SCGB2A2: variants seen among roughly 807,000 people sequenced by gnomAD.
SCGB2A2 encodes the protein secretoglobin family 2A member 2, also known as mammaglobin-A.
A neutral mutation model predicts 8.8 loss-of-function variants in SCGB2A2; 11 were observed. The observed-to-expected ratio is 1.25, with a 90% CI of 0.79 to 2.07. SCGB2A2 has a LOEUF of 2.07. Among genes scored for constraint, SCGB2A2 ranks in the 30% most tolerant of loss-of-function variants. The probability of loss-of-function intolerance (pLI) is 0.00; values close to 1 mark genes in which losing one functional copy is unlikely to be tolerated. For missense variants in SCGB2A2, 113 were observed against 109.9 expected (o/e 1.03, Z -0.13); for synonymous variants, 42 against 40.9 (o/e 1.03, Z -0.10).
intron 1 of SCGB2A2, 94 bp from the exon 2 acceptor site, chr11:62,270,787 T>C: frequency 1.1e-6 from 1 of 892,144 alleles, no homozygotes; most frequent in Non-Finnish European, 1.7e-6. Context: ...GTCTATATTC[T>C]CTTGGGCTGT....
chr11:62,272,145 G>A (rs1237248146), intron 2 of SCGB2A2: 2 of 252,750 alleles, frequency 7.9e-6, no homozygotes, highest in Admixed American at 6.8e-5. Context: ...CAACATGGAT[G>A]AACCTTGAGG....
At position 62,271,727 on chromosome 11, in the gene SCGB2A2, A is replaced by G. The variant is rs895009429; in HGVS notation, c.243+659A>G. Reference sequence around the variant, plus strand: ...CTTCTCTTCTTCAAAAAAAAGTAAAAGTGTTCTTTCTTAAAAAATGCCCTA... The same window carrying G: ...CTTCTCTTCTTCAAAAAAAAGTAAAGGTGTTCTTTCTTAAAAAATGCCCTA... On this transcript the variant is annotated intron_variant, in intron 2 of 2. Transcript: ENST00000227918. 19 of 986,100 alleles carry G rather than the reference A, an allele frequency of 1.9e-5. No homozygotes were observed. In the South Asian group the frequency reaches 6.6e-4, roughly 34 times the overall value. The allele number at this position is 986,100 out of a possible 1,614,324, so 61.1% of individuals were successfully genotyped here. A position where few individuals can be genotyped will look rare whatever the true frequency, so the allele number is the denominator to read the frequency against.
chr11:62,270,815 A>G, intron 1 of SCGB2A2, 66 bp from the exon 2 acceptor site: 1 of 1,200,610 alleles, frequency 8.3e-7, no homozygotes, highest in South Asian at 1.4e-5. Flanking sequence ...TGAGGAATGT[A>G]ATAGGTCTGC....
intron 2 of SCGB2A2, chr11:62,271,336 C>A (rs921632366): frequency 6.3e-6 from 9 of 1,439,354 alleles, no homozygotes; most frequent in East Asian, 2.5e-5. Flanking sequence ...TCTTACCTAT[C>A]CCCAGAGCTC....
intron 2 of SCGB2A2, chr11:62,271,791 C>G (rs1239909217): frequency 1.9e-5 from 19 of 984,094 alleles, no homozygotes; most frequent in Non-Finnish European, 2.1e-5. Flanking sequence ...GAGCAAGATT[C>G]TATACATCTC....
chr11:62,270,855 C>T (rs748177714), intron 1 of SCGB2A2, 26 bp from the exon 2 acceptor site: 5 of 1,602,112 alleles, frequency 3.1e-6, no homozygotes, highest in Non-Finnish European at 4.3e-6. Flanking sequence ...CTGTACCAAG[C>T]TTGTTTCCTT....
At chr11:62,272,797 T>C (rs1231212624) in intron 2 of SCGB2A2, among the ~76,000 whole-genome samples, 160 bp from the exon 3 acceptor site, 1 of 151,988 alleles carries the variant, frequency 6.6e-6, no homozygotes, top group Non-Finnish European at 1.5e-5. Context: ...GTGGGGGAAA[T>C]GATCCAGAAA....
chr11:62,271,718 A>G, intron 2 of SCGB2A2: 4 of 986,148 alleles, frequency 4.1e-6, no homozygotes, highest in Non-Finnish European at 4.8e-6. Flanking sequence ...TTCTTCAAAA[A>G]AAAGTAAAAG....
chr11:62,271,631 A>G (rs1197416854), intron 2 of SCGB2A2: 7 of 1,005,022 alleles, frequency 7.0e-6, no homozygotes, highest in Non-Finnish European at 8.3e-6. Flanking sequence ...ACATACAAAC[A>G]TATGTTCACT....
intron 2 of SCGB2A2, 101 bp downstream of exon 2, chr11:62,271,169 C>G (rs752579301): frequency 2.2e-5 from 35 of 1,601,470 alleles, no homozygotes; most frequent in Non-Finnish European, 2.4e-5. Context: ...AGTGAACAAG[C>G]CTTTTCTTAC....
chr11:62,270,858 GT>G lies in SCGB2A2; in HGVS notation c.56-20del, dbSNP rs746823326. Reference sequence around the variant, plus strand: ...CTTTCATGCCTTCTGTACCAAGCTTGTTTCCTTGTGCATCCTTCCCAGGCTC... The same window carrying G: ...CTTTCATGCCTTCTGTACCAAGCTTGTTCCTTGTGCATCCTTCCCAGGCTC... On this transcript the variant is annotated intron_variant, in intron 1 of 2. Transcript: ENST00000227918. 3.9e-5 allele frequency: 63 copies of G among 1,606,940 alleles called. No individual in the cohort carries two copies. The East Asian group carries it at 6.0e-4, about 15-fold the overall frequency.
chr11:62,270,841 CCTTCT>C (rs777623420), intron 1 of SCGB2A2, 35 bp from the exon 2 acceptor site: 1 of 1,545,968 alleles, frequency 6.5e-7, no homozygotes, highest in Non-Finnish European at 8.9e-7. Context: ...GCCTTTCATG[CCTTCT>C]GTACCAAGCT....
intron 1 of SCGB2A2, 27 bp from the exon 2 acceptor site, chr11:62,270,854 G>C: frequency 6.2e-7 from 1 of 1,601,830 alleles, no homozygotes; most frequent in Non-Finnish European, 8.5e-7. Context: ...TCTGTACCAA[G>C]CTTGTTTCCT....
In SCGB2A2 at chr11:62,270,163, G is replaced by A. The variant is rs1249334844; in HGVS notation, c.-54G>A. ...AAGGCTGGGTGCTCACCTCCACAGC[G>A]GCTTCCTTGATCCTTGCCACCCGCG... On this transcript the variant is annotated 5_prime_UTR_variant, in exon 1 of 3. Transcript: ENST00000227918. The A allele has an allele frequency of 5.1e-6, 8 of 1,573,540 alleles. No homozygotes were observed. The highest frequency in any genetic ancestry group is 4.0e-5 in the African/African-American group (3 of 74,088).
chr11:62,271,502 GAC>G, intron 2 of SCGB2A2: 1 of 1,213,470 alleles, frequency 8.2e-7, no homozygotes, highest in Non-Finnish European at 1.0e-6. Context: ...CAAAGACACA[GAC>G]ACAGACACAG....
chr11:62,272,964 T>C lies in SCGB2A2; in HGVS notation c.251T>C (p.Ile84Thr), dbSNP rs139304706. The C allele has an allele frequency of 6.0e-5, 97 of 1,607,546 alleles. 1 individual carries two copies. In the African/African-American group the frequency reaches 1.1e-3, roughly 18 times the overall value. Residue 84 changes from isoleucine (I) to threonine (T), a missense_variant, in exon 3 of 3, where the codon ATA becomes ACA. By Grantham distance (89) the Ile-to-Thr change is moderately conservative. Transcript: ENST00000227918. ...TCTGTTTTTGCTTTCTAGCAATTAA[T>C]ATATGACAGCAGTCTTTGTGATTTA... Reference protein sequence around the residue: ...LSNVEVFMQLIYDSSLCDLF With the variant: ...LSNVEVFMQLTYDSSLCDLF
In SCGB2A2 at chr11:62,271,769, A is replaced by G; in HGVS notation, c.243+701A>G. ...AATGCCCTATTTTTCAACAGTTTGG[A>G]AAATACCATTTGAGCAAGATTCTAT... is the stretch of plus-strand genomic sequence containing the variant. On this transcript the variant is annotated intron_variant, in intron 2 of 2. Transcript: ENST00000227918. The G allele has an allele frequency of 5.1e-6, 5 of 986,236 alleles. No homozygotes were observed. The African/African-American group carries it at 8.7e-5, about 17-fold the overall frequency. The allele number at this position is 986,236 out of a possible 1,614,324, so 61.1% of individuals were successfully genotyped here.
chr11:62,272,798 G>T (rs1346227391), intron 2 of SCGB2A2, among the ~76,000 whole-genome samples, 159 bp from the exon 3 acceptor site: 1 of 152,162 alleles, frequency 6.6e-6, no homozygotes, highest in Non-Finnish European at 1.5e-5. Flanking sequence ...TGGGGGAAAT[G>T]ATCCAGAAAC....
intron 1 of SCGB2A2, among the ~76,000 whole-genome samples, chr11:62,270,675 TG>T: frequency 6.6e-6 from 1 of 152,334 alleles, no homozygotes; most frequent in East Asian, 1.9e-4. Flanking sequence ...TTTTCTGGGC[TG>T]GGGAGTGGAG....
Sources: allele counts gnomAD v4.1 joint callset (sites outside exome capture counted in the v4.1 genomes callset), GRCh38; gene constraint gnomAD v4.1.1; transcripts MANE v1.5; gene names NCBI Gene and HGNC (gene_info 2026-07-23, HGNC 2026-07-21).